The following TTLL13 variants were observed in gnomAD, a reference collection of about 807,000 sequenced individuals.
TTLL13 encodes the protein tubulin polyglutamylase TTLL13.
the TTLL13 span, chr15:90,264,880 C>CAA: frequency 2.0e-6 from 3 of 1,536,130 alleles, no homozygotes. Flanking sequence ...ACTCTGAACA[C>CAA]AGAGCAGCCA....
the TTLL13 span, chr15:90,259,105 G>A: frequency 1.4e-6 from 2 of 1,393,292 alleles, no homozygotes; most frequent in East Asian, 5.7e-5. Flanking sequence ...GCTCATATCT[G>A]TAATCCCAGC....
At chr15:90,250,961 G>A in the TTLL13 span, 2 of 1,537,044 alleles carry the variant, frequency 1.3e-6, no homozygotes, top group Non-Finnish European at 8.8e-7. Context: ...AACATCTGGA[G>A]GAGCTGGGAT....
the TTLL13 span, chr15:90,250,789 C>T: frequency 1.2e-6 from 2 of 1,614,170 alleles, no homozygotes; most frequent in South Asian, 2.2e-5. Flanking sequence ...ATGGGGTTCC[C>T]TCACCCATTA....
the TTLL13 span, chr15:90,264,888 C>T: frequency 6.5e-7 from 1 of 1,536,000 alleles, no homozygotes; most frequent in Admixed American, 2.0e-5. Flanking sequence ...CACAGAGCAG[C>T]CAAGGTTCCC....
the TTLL13 span, chr15:90,262,249 A>G: frequency 5.6e-6 from 8 of 1,431,262 alleles, no homozygotes; most frequent in Non-Finnish European, 7.4e-6. Flanking sequence ...CTGAAGCTGC[A>G]TTGCTTCCCA....
At chr15:90,263,869 G>C in the TTLL13 span, 1 of 979,146 alleles carries the variant, frequency 1.0e-6, no homozygotes, top group African/African-American at 1.6e-5. Context: ...TCTGCCCCAT[G>C]AATCAATCCC....
the TTLL13 span, among the ~76,000 whole-genome samples, chr15:90,261,656 T>C: frequency 6.6e-6 from 1 of 152,116 alleles, no homozygotes; most frequent in Non-Finnish European, 1.5e-5. Context: ...GGTGCATGCC[T>C]GTAATCCCAG....
chr15:90,257,910 T>G, the TTLL13 span: 1 of 981,504 alleles, frequency 1.0e-6, no homozygotes, highest in East Asian at 2.6e-5. Flanking sequence ...AACTAGTCCC[T>G]GCTCCAAACT....
chr15:90,254,491 T>TAAAA, the TTLL13 span, among the ~76,000 whole-genome samples: 2 of 84,242 alleles, frequency 2.4e-5, no homozygotes, highest in Non-Finnish European at 4.6e-5. Flanking sequence ...AGACTCCATC[T>TAAAA]AAAAAAAAAA....
At chr15:90,250,708 A>T in the TTLL13 span, 1 of 1,614,186 alleles carries the variant, frequency 6.2e-7, no homozygotes, top group South Asian at 1.1e-5. Context: ...AGTGTGTTAA[A>T]GAGGGAGTTA....
chr15:90,262,563 G>A, the TTLL13 span: 6 of 1,534,330 alleles, frequency 3.9e-6, no homozygotes. Context: ...CAAAAGGCCA[G>A]GGACCAGAAC....
the TTLL13 span, chr15:90,262,277 C>A: frequency 7.5e-7 from 1 of 1,338,092 alleles, no homozygotes; most frequent in Non-Finnish European, 9.9e-7. Flanking sequence ...AAGAGGAAGC[C>A]AGACACCAGC....
chr15:90,258,700 C>T, the TTLL13 span: 1 of 1,546,844 alleles, frequency 6.5e-7, no homozygotes, highest in Non-Finnish European at 8.9e-7. Context: ...ACCACCTGCT[C>T]AGGTGGTCTG....
At chr15:90,264,168 A>G in the TTLL13 span, 3 of 688,890 alleles carry the variant, frequency 4.4e-6, no homozygotes, top group Non-Finnish European at 7.3e-6. Flanking sequence ...CAGTGTAAGA[A>G]TGGGGAAGTT....
chr15:90,262,670 G>A, the TTLL13 span: 1 of 1,478,646 alleles, frequency 6.8e-7, no homozygotes, highest in Non-Finnish European at 8.9e-7. Flanking sequence ...GGAGAAAGAG[G>A]TGCCAGGGGT....
chr15:90,256,308 C>T, the TTLL13 span: 1 of 1,614,050 alleles, frequency 6.2e-7, no homozygotes, highest in South Asian at 1.1e-5. Flanking sequence ...GTGAAGGATG[C>T]CTCAGGACCA....
chr15:90,250,835 G>C, the TTLL13 span: 3 of 1,614,060 alleles, frequency 1.9e-6, no homozygotes, highest in East Asian at 4.5e-5. Context: ...CATAGCCCCA[G>C]TTGACACAGG....
chr15:90,251,943 T>C, the TTLL13 span, among the ~76,000 whole-genome samples: 2 of 151,830 alleles, frequency 1.3e-5, no homozygotes, highest in Non-Finnish European at 2.9e-5. Context: ...ATTGCAATCA[T>C]AGCTTAATGC....
the TTLL13 span, chr15:90,263,531 G>T: frequency 1.8e-6 from 1 of 550,712 alleles, no homozygotes; most frequent in Non-Finnish European, 3.2e-6. Flanking sequence ...TAAGTAAACA[G>T]ATTTGGGCCA....
Sources: allele counts gnomAD v4.1 joint callset (sites outside exome capture counted in the v4.1 genomes callset), GRCh38; gene constraint gnomAD v4.1.1; transcripts MANE v1.5; gene names NCBI Gene and HGNC (gene_info 2026-07-23, HGNC 2026-07-21).